Variants in PTER observed in about 807,000 individuals in gnomAD.
PTER encodes the protein phosphotriesterase related.
A neutral mutation model predicts 29.6 loss-of-function variants in PTER; 38 were observed. The observed-to-expected ratio is 1.28, with a 90% CI of 0.99 to 1.68. PTER has a LOEUF of 1.68. PTER is among the 40% of genes most tolerant of loss of function. PTER has a pLI of 0.00. For missense variants in PTER, 482 were observed against 427.8 expected, an observed-to-expected ratio of 1.13 and a Z score of -1.12; for synonymous variants, 172 against 154.5, an observed-to-expected ratio of 1.11 and a Z score of -0.84.
chr10:16,452,194 T>TACACACACACATACACAC (rs1554786757), intron 1 of PTER, among the ~76,000 whole-genome samples: 2 of 146,254 alleles, frequency 1.4e-5, no homozygotes, highest in African/African-American at 5.1e-5. Flanking sequence ...ACCAGTGGGA[T>TACACACACACATACACAC]ACACACACAC....
chr10:16,455,066 A>G (rs1384661089), intron 1 of PTER, among the ~76,000 whole-genome samples: 1 of 150,996 alleles, frequency 6.6e-6, no homozygotes, highest in Non-Finnish European at 1.5e-5. Flanking sequence ...CTGTCTCTAC[A>G]AAACATACAC....
chr10:16,477,606 C>T (rs142862803), intron 1 of PTER, among the ~76,000 whole-genome samples: 1 of 152,182 alleles, frequency 6.6e-6, no homozygotes, highest in Non-Finnish European at 1.5e-5. Context: ...TGGAAGTTAT[C>T]TGGTCAACCC....
chr10:16,486,733 C>T, intron 3 of PTER, 116 bp downstream of exon 3: 1 of 1,169,138 alleles, frequency 8.6e-7, no homozygotes, highest in Non-Finnish European at 1.2e-6. Flanking sequence ...AAACCACTAA[C>T]TATATGGAAG....
chr10:16,453,388 T>C (rs994129801), intron 1 of PTER, among the ~76,000 whole-genome samples: 2 of 152,160 alleles, frequency 1.3e-5, no homozygotes, highest in Non-Finnish European at 2.9e-5. Flanking sequence ...ATAATACATA[T>C]ATGCCTAGAT....
At position 16,512,574 on chromosome 10, in the gene PTER, C is replaced by T. The variant is rs936653026; in HGVS notation, c.*1318C>T. The T allele has an allele frequency of 6.6e-6, 1 of 152,080 alleles. No individual in the cohort carries two copies. Among genetic ancestry groups the T allele is most frequent in the Non-Finnish European group, 1.5e-5 (1 of 67,980 alleles). The allele number at this position is 152,080 out of a possible 1,614,324, so 9.4% of individuals were successfully genotyped here. ...AGAGCTAACACCACCTTCAGATAGG[C>T]ACACCATGCATAACTCTTGGGAAGT... On this transcript the variant is annotated 3_prime_UTR_variant, in exon 5 of 5. Coordinates refer to ENST00000535784, the MANE Select transcript of PTER (RefSeq NM_001261836.2).
intron 1 of PTER, among the ~76,000 whole-genome samples, chr10:16,449,099 G>A (rs1433229427): frequency 6.6e-6 from 1 of 152,186 alleles, no homozygotes; most frequent in Non-Finnish European, 1.5e-5. Context: ...CGTCTTTCAC[G>A]TCCTTGATGG....
intron 1 of PTER, among the ~76,000 whole-genome samples, chr10:16,463,963 G>A (rs970121187): frequency 3.9e-5 from 6 of 152,060 alleles, no homozygotes; most frequent in South Asian, 4.1e-4. Context: ...AGTGGATTTC[G>A]TCTCAAAGTA....
chr10:16,502,815 C>T (rs1227407860), intron 3 of PTER, among the ~76,000 whole-genome samples: 15 of 151,506 alleles, frequency 9.9e-5, no homozygotes, highest in Admixed American at 8.5e-4. Flanking sequence ...ATGGCAAAAC[C>T]CCGTCTTTAC....
At chr10:16,442,956 A>G (rs1265425899) in intron 1 of PTER, among the ~76,000 whole-genome samples, 1 of 152,140 alleles carries the variant, frequency 6.6e-6, no homozygotes. Flanking sequence ...TGGGTGACAG[A>G]GTGATACTCT....
chr10:16,478,329 G>A (rs10795399), intron 1 of PTER, among the ~76,000 whole-genome samples: 22,395 of 141,082 alleles, frequency 0.16, 2,114 homozygotes, highest in East Asian at 0.31. Flanking sequence ...TTCCTCCCTC[G>A]TTTCCGTTTT....
chr10:16,515,214 T>G (rs1836931182), downstream of PTER, among the ~76,000 whole-genome samples: 1 of 140,808 alleles, frequency 7.1e-6, no homozygotes, highest in Admixed American at 7.2e-5. Flanking sequence ...ACTCCTCTAC[T>G]ACTTACAAAG....
At chr10:16,438,037 T>G (rs1833712917) in intron 1 of PTER, among the ~76,000 whole-genome samples, 2 of 152,210 alleles carry the variant, frequency 1.3e-5, no homozygotes, top group South Asian at 4.1e-4. Context: ...AGACAGAGTC[T>G]CGCCCTTGCC....
intron 1 of PTER, among the ~76,000 whole-genome samples, chr10:16,442,889 C>T (rs2010442): frequency 0.63 from 95,775 of 151,882 alleles, 31,420 homozygotes; most frequent in African/African-American, 0.8. Context: ...GGAGAATCGC[C>T]TGAACCCGGG....
chr10:16,508,038 A>G (rs1836646937), intron 4 of PTER, among the ~76,000 whole-genome samples: 2 of 146,998 alleles, frequency 1.4e-5, no homozygotes, highest in Non-Finnish European at 3.0e-5. Context: ...CCCTCAACAT[A>G]TGTTTTATTT....
chr10:16,454,759 TTAA>T (rs1437605932), intron 1 of PTER, among the ~76,000 whole-genome samples: 1 of 152,036 alleles, frequency 6.6e-6, no homozygotes, highest in Non-Finnish European at 1.5e-5. Context: ...TTCTTGATTT[TTAA>T]TCTACAATTA....
chr10:16,464,351 TA>T (rs1280605826), intron 1 of PTER, among the ~76,000 whole-genome samples: 2 of 152,226 alleles, frequency 1.3e-5, no homozygotes, highest in Non-Finnish European at 2.9e-5. Flanking sequence ...AGAGATCAGT[TA>T]AGTATTCAGG....
chr10:16,504,908 T>A (rs1836498834), intron 3 of PTER, 112 bp from the exon 4 acceptor site: 1 of 1,236,134 alleles, frequency 8.1e-7, no homozygotes, highest in African/African-American at 1.5e-5. Flanking sequence ...TGTCTGTTAC[T>A]CGACTTCAAC....
intron 4 of PTER, among the ~76,000 whole-genome samples, chr10:16,508,076 T>C (rs1273076735): frequency 2.0e-5 from 3 of 148,270 alleles, no homozygotes; most frequent in Admixed American, 6.7e-5. Context: ...TTTTCTTTTT[T>C]TTTTTTTTTT....
At position 16,478,334 on chromosome 10, in the gene PTER, C is replaced by CT. The variant is rs1564397759; in HGVS notation, c.-48-6003_-48-6002insT. 6.3e-5 allele frequency among the ~76,000 whole-genome samples: 8 copies of CT among 126,356 alleles called. No homozygotes were observed. The East Asian group carries it at 1.1e-3, about 17-fold the overall frequency. 82.9% of individuals were successfully genotyped at this position (126,356 alleles called of 152,430 possible). A position where few individuals can be genotyped will look rare whatever the true frequency, so the allele number is the denominator to read the frequency against. ...CCTCTCCCTTTTCCTCCCTCGTTTC[C>CT]GTTTTTTTTTTTTTTGGAGTTGGAG... On this transcript the variant is annotated intron_variant, in intron 1 of 4. Coordinates refer to ENST00000535784, the MANE Select transcript of PTER (RefSeq NM_001261836.2).
Sources: gnomAD v4.1 joint callset for allele counts (sites outside exome capture counted in the v4.1 genomes callset) on GRCh38, gnomAD v4.1.1 for gene constraint, MANE v1.5 for transcripts, NCBI Gene and HGNC (gene_info 2026-07-23, HGNC 2026-07-21) for gene names.